Variants in NXPE2 observed in about 807,000 individuals in gnomAD.
The protein encoded by NXPE2 is neurexophilin and PC-esterase domain family member 2, also known as NXPE family member 2.
A neutral mutation model predicts 34.4 loss-of-function variants in NXPE2; 34 were observed. That is an observed-to-expected ratio of 0.99 (90% CI 0.75 to 1.31). NXPE2 has a LOEUF of 1.31. Ranked by LOEUF, NXPE2 falls within the 40% of genes most tolerant of loss-of-function variation. The pLI, the probability that NXPE2 is intolerant of heterozygous loss-of-function variation, is 0.00. For missense variants in NXPE2, 649 were observed against 672.5 expected, an observed-to-expected ratio of 0.97 and a Z score of 0.39; for synonymous variants, 235 against 231.3, an observed-to-expected ratio of 1.02 and a Z score of -0.15.
At chr11:114,523,671 C>G in the NXPE2 span, among the ~76,000 whole-genome samples, 6 of 152,296 alleles carry the variant, frequency 3.9e-5, no homozygotes, top group African/African-American at 1.4e-4. Flanking sequence ...CAGGAAGTTT[C>G]ACTAGAGTTT....
the NXPE2 span, among the ~76,000 whole-genome samples, chr11:114,647,043 C>G: frequency 6.6e-6 from 1 of 152,198 alleles, no homozygotes; most frequent in Admixed American, 6.5e-5. Flanking sequence ...TGGGTCTCAT[C>G]TCCTAAAGCA....
chr11:114,604,683 C>T, the NXPE2 span, among the ~76,000 whole-genome samples: 2 of 151,952 alleles, frequency 1.3e-5, no homozygotes, highest in African/African-American at 2.4e-5. Flanking sequence ...TGGGTAACCA[C>T]AGTTACCTGG....
the NXPE2 span, among the ~76,000 whole-genome samples, chr11:114,555,700 C>T: frequency 6.6e-6 from 1 of 152,124 alleles, no homozygotes; most frequent in Non-Finnish European, 1.5e-5. Context: ...GTTTCTGGCC[C>T]CGGATAATCA....
chr11:114,703,718 C>T (rs61906866), intron 3 of NXPE2, among the ~76,000 whole-genome samples: 1 of 90,122 alleles, frequency 1.1e-5, no homozygotes. Context: ...GATAGATAGA[C>T]AGACAGACAG....
chr11:114,577,029 A>G, the NXPE2 span, among the ~76,000 whole-genome samples: 14 of 25,556 alleles, frequency 5.5e-4, no homozygotes, highest in East Asian at 5.4e-3. Context: ...ATATATATAC[A>G]TATATATATA....
chr11:114,748,720 T>G, the NXPE2 span, among the ~76,000 whole-genome samples: 1 of 152,224 alleles, frequency 6.6e-6, no homozygotes, highest in African/African-American at 2.4e-5. Context: ...TTCACTTTGG[T>G]TACTTGAATG....
chr11:114,617,490 G>T, the NXPE2 span, among the ~76,000 whole-genome samples: 2 of 152,086 alleles, frequency 1.3e-5, no homozygotes, highest in East Asian at 3.9e-4. Flanking sequence ...GTTGCCTCGT[G>T]GGTAACCACT....
At chr11:114,741,022 T>C in the NXPE2 span, among the ~76,000 whole-genome samples, 2 of 152,196 alleles carry the variant, frequency 1.3e-5, no homozygotes, top group East Asian at 3.9e-4. Flanking sequence ...GAAATGAACT[T>C]CTTCAGCTTT....
the NXPE2 span, chr11:114,522,104 T>C: frequency 1.9e-6 from 3 of 1,614,112 alleles, no homozygotes; most frequent in Non-Finnish European, 2.5e-6. Flanking sequence ...GAAAATATCC[T>C]TCATGATAAG....
At chr11:114,551,103 C>G in the NXPE2 span, 1 of 1,483,560 alleles carries the variant, frequency 6.7e-7, no homozygotes, top group Non-Finnish European at 9.1e-7. Flanking sequence ...TTGCTCCTAC[C>G]TTTGTGAAGT....
At chr11:114,577,334 G>A in the NXPE2 span, among the ~76,000 whole-genome samples, 3 of 151,738 alleles carry the variant, frequency 2.0e-5, no homozygotes, top group Non-Finnish European at 2.9e-5. Flanking sequence ...TCACTCATAT[G>A]TGGGAACTAA....
At chr11:114,785,670 T>A in the NXPE2 span, among the ~76,000 whole-genome samples, 2 of 152,084 alleles carry the variant, frequency 1.3e-5, no homozygotes, top group African/African-American at 4.8e-5. Flanking sequence ...CTGGCCTAAT[T>A]GATTAATTTT....
At chr11:114,624,989 G>A in the NXPE2 span, among the ~76,000 whole-genome samples, 9 of 151,512 alleles carry the variant, frequency 5.9e-5, 1 homozygote, top group South Asian at 2.1e-4. Context: ...GTGTTGCCTC[G>A]TGAGTAACCA....
At chr11:114,617,310 GT>G in the NXPE2 span, among the ~76,000 whole-genome samples, 1 of 151,736 alleles carries the variant, frequency 6.6e-6, no homozygotes, top group Non-Finnish European at 1.5e-5. Context: ...CAGATACTAA[GT>G]TTTGCCTCGT....
At chr11:114,700,918 C>A (rs902700289) in intron 3 of NXPE2, among the ~76,000 whole-genome samples, 1 of 151,978 alleles carries the variant, frequency 6.6e-6, no homozygotes, top group East Asian at 1.9e-4. Context: ...CTTCAGAGGG[C>A]AAATTTCCAG....
At chr11:114,542,114 T>C in the NXPE2 span, among the ~76,000 whole-genome samples, 2 of 152,168 alleles carry the variant, frequency 1.3e-5, no homozygotes, top group Admixed American at 6.5e-5. Context: ...GATTATTATA[T>C]CTGCTTTGTA....
At chr11:114,636,067 A>G in the NXPE2 span, among the ~76,000 whole-genome samples, 2 of 143,624 alleles carry the variant, frequency 1.4e-5, no homozygotes, top group Non-Finnish European at 3.0e-5. Context: ...TACCTCTGGT[A>G]GAATTCGACT....
chr11:114,505,523 A>G, the NXPE2 span, among the ~76,000 whole-genome samples: 2 of 152,180 alleles, frequency 1.3e-5, no homozygotes, highest in African/African-American at 4.8e-5. Context: ...TGAACAGCAG[A>G]CCTCTCAGCT....
chr11:114,729,656 A>G, the NXPE2 span, among the ~76,000 whole-genome samples: 8 of 152,082 alleles, frequency 5.3e-5, no homozygotes, highest in Non-Finnish European at 2.9e-5. Context: ...CTTGATTATT[A>G]GTGATGTTGG....
Sources: allele counts gnomAD v4.1 joint callset (sites outside exome capture counted in the v4.1 genomes callset), GRCh38; gene constraint gnomAD v4.1.1; transcripts MANE v1.5; gene names NCBI Gene and HGNC (gene_info 2026-07-23, HGNC 2026-07-21).